FARP1: variants seen among roughly 807,000 people sequenced by gnomAD.
The protein encoded by FARP1 is FERM, ARH/RhoGEF and pleckstrin domain protein 1.
Under a neutral mutation model 128.8 loss-of-function variants are expected in FARP1, and 52 were observed. That is an observed-to-expected ratio of 0.40 (90% CI 0.32 to 0.51). The LOEUF (loss-of-function observed/expected upper bound fraction) is 0.51. Among genes scored for constraint, FARP1 ranks in the 20% least tolerant of loss-of-function variants. The pLI, the probability that FARP1 is intolerant of heterozygous loss-of-function variation, is 0.45. For missense variants in FARP1, 1,333 were observed against 1,367.9 expected, an observed-to-expected ratio of 0.97 and a Z score of 0.40; for synonymous variants, 580 against 551.8, an observed-to-expected ratio of 1.05 and a Z score of -0.72.
chr13:98,195,275 G>C (rs1183197033), intron 1 of FARP1, among the ~76,000 whole-genome samples: 2 of 152,072 alleles, frequency 1.3e-5, no homozygotes, highest in Admixed American at 1.3e-4. Context: ...TCCCTTTTGT[G>C]GTATGCACCT....
At chr13:98,297,400 G>A (rs1439097121) in intron 2 of FARP1, among the ~76,000 whole-genome samples, 5 of 152,156 alleles carry the variant, frequency 3.3e-5, no homozygotes, top group African/African-American at 1.2e-4. Context: ...TGAAGTAGCC[G>A]CTTAATTATT....
Position 98,287,786 on chromosome 13 carries a change from T to C in FARP1, c.172-55976T>C, listed in dbSNP as rs557746605. ...GACAGCTTGAAAACTGGTTATGCCA[T>C]GTCCCAGGCACTTCTTTTTTTTTTT... On this transcript the variant is annotated intron_variant, in intron 2 of 26. Coordinates refer to ENST00000319562, the MANE Select transcript of FARP1 (RefSeq NM_005766.4). Among the ~76,000 whole-genome samples, 214 of 148,570 alleles carry C rather than the reference T, an allele frequency of 1.4e-3. 1 individual carries two copies. The highest frequency in any genetic ancestry group is 5.0e-3 in the African/African-American group (203 of 40,566).
intron 2 of FARP1, among the ~76,000 whole-genome samples, chr13:98,319,614 T>G (rs1247765494): frequency 6.6e-6 from 1 of 152,236 alleles, no homozygotes; most frequent in Non-Finnish European, 1.5e-5. Context: ...AGCAAGACTC[T>G]GTCTCAGAAA....
chr13:98,211,360 G>T (rs184352079), intron 1 of FARP1, among the ~76,000 whole-genome samples: 1 of 152,318 alleles, frequency 6.6e-6, no homozygotes, highest in East Asian at 1.9e-4. Context: ...GCATGCGAGG[G>T]ATCTAGATTG....
rs767608568 is a variant in FARP1, at chr13:98,412,020, A to G, written c.1812A>G (p.Gln604=). ...FHTNFLKEIE[Q]RLALWEGRSN... ...CTAATTTTCTCAAGGAAATTGAGCA[A>G]CGACTTGCCCTGTGGTGAGTACATT... The change falls in exon 16 of 27, where the codon CAA becomes CAG. Residue 604 remains glutamine, a synonymous_variant. Transcript: ENST00000319562. 3.7e-6 allele frequency: 6 copies of G among 1,614,138 alleles called. No homozygotes were observed. In the South Asian group the frequency reaches 4.4e-5, roughly 12 times the overall value.
At chr13:98,233,876 G>C (rs1594302479) in intron 2 of FARP1, 1 of 152,270 alleles carries the variant, frequency 6.6e-6, no homozygotes, top group South Asian at 2.1e-4. Flanking sequence ...TCAGGCTGTC[G>C]GGTCCATTCC....
intron 5 of FARP1, among the ~76,000 whole-genome samples, chr13:98,369,353 CTTT>C (rs35605642): frequency 0.047 from 6,605 of 139,100 alleles, 165 homozygotes; most frequent in Middle Eastern, 0.1. Flanking sequence ...CAGCCTAATT[CTTT>C]TTTTTTTTTT....
intron 1 of FARP1, among the ~76,000 whole-genome samples, chr13:98,196,732 C>T (rs1278131516): frequency 2.6e-5 from 4 of 152,186 alleles, no homozygotes; most frequent in Non-Finnish European, 5.9e-5. Flanking sequence ...AATTTTCCCT[C>T]CCTTTCAGCA....
chr13:98,386,536 T>C (rs1890105712), intron 8 of FARP1, among the ~76,000 whole-genome samples: 1 of 152,148 alleles, frequency 6.6e-6, no homozygotes, highest in African/African-American at 2.4e-5. Flanking sequence ...GTTTGATAGG[T>C]TTTTATTATA....
chr13:98,257,055 T>C (rs1230219208), intron 2 of FARP1, among the ~76,000 whole-genome samples: 2 of 148,994 alleles, frequency 1.3e-5, no homozygotes, highest in African/African-American at 4.9e-5. Context: ...TATACATCTC[T>C]AAAAGATCAA....
In FARP1 at chr13:98,410,784, C is replaced by T. The variant is rs1429359483; in HGVS notation, c.1653C>T (p.Thr551=). The T allele has an allele frequency of 3.1e-6, 5 of 1,604,316 alleles. No homozygotes were observed. Among genetic ancestry groups the T allele is most frequent in the African/African-American group, 1.3e-5 (1 of 74,874 alleles). The stretch of plus-strand genomic sequence containing the variant: ...TCATAGCTAAGGAAGTGTCTACCAC[C>T]GAGCGAACATATCTGAAGGATCTCG... ...AYFIAKEVST[T]ERTYLKDLEV... The change falls in exon 15 of 27, where the codon ACC becomes ACT. Residue 551 remains threonine (T), a synonymous_variant. Coordinates refer to ENST00000319562, the MANE Select transcript of FARP1 (RefSeq NM_005766.4).
At position 98,409,440 on chromosome 13, in the gene FARP1, C is replaced by A; in HGVS notation, c.1517C>A (p.Thr506Asn). Residue 506 changes from threonine (T) to asparagine (N), a missense_variant, in exon 14 of 27, where the codon ACC (threonine) becomes AAC (asparagine). Thr to Asn is a moderately conservative substitution (Grantham distance 65). Transcript: ENST00000319562. ...TTGTCTCCCAACCTGAGCCCCGACA[C>A]CAAGCAGGCCTCTCCCTTGATCAGC... is the stretch of plus-strand genomic sequence containing the variant. ...VTLSPNLSPD[T>N]KQASPLISPL... 5 of 1,614,122 alleles carry A rather than the reference C, an allele frequency of 3.1e-6. No homozygotes were observed. Among genetic ancestry groups the A allele is most frequent in the Non-Finnish European group, 4.2e-6 (5 of 1,180,024 alleles).
intron 8 of FARP1, 34 bp from the exon 9 acceptor site, chr13:98,388,349 T>C (rs749363130): frequency 1.9e-6 from 3 of 1,543,758 alleles, no homozygotes; most frequent in Middle Eastern, 1.7e-4. Flanking sequence ...TTGTTATGCA[T>C]TTCCTGGCTC....
intron 2 of FARP1, among the ~76,000 whole-genome samples, chr13:98,305,697 A>G (rs958857660): frequency 6.6e-6 from 1 of 151,484 alleles, no homozygotes; most frequent in Non-Finnish European, 1.5e-5. Flanking sequence ...TTGCATCACA[A>G]CCTCTTTCCT....
intron 2 of FARP1, among the ~76,000 whole-genome samples, chr13:98,293,246 C>T: frequency 6.6e-6 from 1 of 152,096 alleles, no homozygotes; most frequent in East Asian, 1.9e-4. Flanking sequence ...TGGCTGAGAC[C>T]AGGCATGCTG....
intron 13 of FARP1, chr13:98,404,371 T>C (rs559442920): frequency 2.7e-4 from 41 of 151,744 alleles, no homozygotes; most frequent in African/African-American, 8.2e-4. Context: ...AACTTTGTAA[T>C]TTCTATAAAA....
At chr13:98,319,606 C>T (rs1886902844) in intron 2 of FARP1, among the ~76,000 whole-genome samples, 1 of 152,170 alleles carries the variant, frequency 6.6e-6, no homozygotes, top group Non-Finnish European at 1.5e-5. Flanking sequence ...GGCAACAGAG[C>T]AAGACTCTGT....
intron 1 of FARP1, among the ~76,000 whole-genome samples, chr13:98,171,792 C>T (rs1312310473): frequency 1.3e-5 from 2 of 152,114 alleles, no homozygotes; most frequent in Non-Finnish European, 2.9e-5. Flanking sequence ...AGTCCTCCTC[C>T]CCACCAATGA....
intron 15 of FARP1, among the ~76,000 whole-genome samples, chr13:98,411,156 G>C (rs758546809): frequency 6.6e-6 from 1 of 152,132 alleles, no homozygotes; most frequent in Non-Finnish European, 1.5e-5. Context: ...TTTTGTTCAC[G>C]GGAGACCTCG....
Sources: gnomAD v4.1 joint callset for allele counts (sites outside exome capture counted in the v4.1 genomes callset) on GRCh38, gnomAD v4.1.1 for gene constraint, MANE v1.5 for transcripts, NCBI Gene and HGNC (gene_info 2026-07-23, HGNC 2026-07-21) for gene names.